The following PYGM variants were observed in gnomAD, a reference collection of about 807,000 sequenced individuals.
The protein encoded by PYGM is glycogen phosphorylase, muscle form.
Under a neutral mutation model 99.3 loss-of-function variants are expected in PYGM, and 81 were observed. That is an observed-to-expected ratio of 0.82 (90% confidence interval 0.68 to 0.98). The LOEUF (loss-of-function observed/expected upper bound fraction) is 0.98, where lower values mean the gene tolerates loss of function less well. PYGM is among the 50% of genes least tolerant of loss of function. The pLI, the probability that PYGM is intolerant of heterozygous loss-of-function variation, is 0.00. For synonymous variants in PYGM, 436 were observed against 451.5 expected (o/e 0.97, Z 0.44); for missense variants, 1,030 against 1,158.1 (o/e 0.89, Z 1.61).
rs2058391715 is a variant in PYGM, at chr11:64,755,904, G to T, written c.661-346C>A. ...GCTGGCCAGCCTGGCCTGAGCAAAA[G>T]CTAGAGGACACTGTGGACTCATGAG... On this transcript the variant is annotated intron_variant, in intron 5 of 19. Coordinates refer to ENST00000164139, the MANE Select transcript of PYGM (RefSeq NM_005609.4). The surrounding 1 kb of genome is among the most constrained non-coding windows in gnomAD (Gnocchi z 4.1). Among the ~76,000 whole-genome samples the T allele has an allele frequency of 6.6e-6, 1 of 152,214 alleles. No homozygotes were observed. The highest frequency in any genetic ancestry group is 1.5e-5 in the Non-Finnish European group (1 of 68,028).
upstream of PYGM, chr11:64,760,227 G>A (rs1398676233): frequency 5.9e-6 from 2 of 340,632 alleles, no homozygotes; most frequent in Non-Finnish European, 1.1e-5. Context: ...CCTTTTGGAG[G>A]GTTGGATACA....
At chr11:64,750,660 G>C in intron 16 of PYGM, 77 bp from the exon 17 acceptor site, 1 of 1,422,858 alleles carries the variant, frequency 7.0e-7, no homozygotes, top group Non-Finnish European at 9.7e-7. Flanking sequence ...GATTAGGCTG[G>C]CCCCAGGCAT....
intron 13 of PYGM, 116 bp downstream of exon 13, chr11:64,752,287 C>T: frequency 7.8e-6 from 11 of 1,403,260 alleles, no homozygotes; most frequent in South Asian, 2.4e-5. Context: ...GCAACTTCCA[C>T]CAACGGCCTG....
At position 64,746,626 on chromosome 11, in the gene PYGM, C is replaced by T; in HGVS notation, c.*33G>A. The T allele has an allele frequency of 2.5e-6, 4 of 1,613,736 alleles. No homozygotes were observed. Among genetic ancestry groups the T allele is most frequent in the African/African-American group, 1.3e-5 (1 of 75,052 alleles). On this transcript the variant is annotated 3_prime_UTR_variant, in exon 20 of 20. Transcript: ENST00000164139. Reference sequence around the variant, plus strand: ...GGCTGGCCCAAGAGAGTGTGACAGACTCAAGGGCTGGTTTGGGGTCTGGTC... The same window carrying T: ...GGCTGGCCCAAGAGAGTGTGACAGATTCAAGGGCTGGTTTGGGGTCTGGTC...
intron 1 of PYGM, 91 bp downstream of exon 1, chr11:64,759,564 AG>A: frequency 6.4e-7 from 1 of 1,574,084 alleles, no homozygotes; most frequent in East Asian, 2.2e-5. Flanking sequence ...CCAAGAACCT[AG>A]AGTGACGAGG....
rs753181427 is a variant in PYGM, at chr11:64,751,324, C to A, written c.1969+1G>T. ...CTAGGGTCCCTGTTGGCAGCACCCA[C>A]CTTTCTCGGCCAGTGAGACTCGGTA... is the stretch of plus-strand genomic sequence containing the variant. On this transcript the variant is annotated splice_donor_variant, in intron 16 of 19. Transcript: ENST00000164139. LOFTEE classifies it high-confidence loss of function. The A allele has an allele frequency of 6.2e-7, 1 of 1,614,192 alleles. No individual in the cohort carries two copies. Among genetic ancestry groups the A allele is most frequent in the East Asian group, 2.2e-5 (1 of 44,894 alleles).
intron 17 of PYGM, 133 bp from the exon 18 acceptor site, chr11:64,747,491 G>T: frequency 8.5e-7 from 1 of 1,172,854 alleles, no homozygotes; most frequent in Non-Finnish European, 1.2e-6. Flanking sequence ...CTGCCACATC[G>T]CCCCTGCAGG....
chr11:64,754,803 C>T lies in PYGM; in HGVS notation c.889G>A (p.Glu297Lys), dbSNP rs1358384674. 1 of 1,614,000 alleles carries T rather than the reference C, an allele frequency of 6.2e-7. No individual in the cohort carries two copies. Among genetic ancestry groups the T allele is most frequent in the Non-Finnish European group, 8.5e-7 (1 of 1,180,010 alleles). ...FEGKELRLKQ[E>K]YFVVAATLQD... ...AGGGTGGCAGCCACCACGAAATACT[C>T]CTGCTTCAGCCGCAGCTCCTTCCCT... Residue 297 changes from glutamate (E) to lysine (K), a missense_variant, in exon 8 of 20, where the codon GAG becomes AAG. Glu to Lys is a moderately conservative substitution (Grantham distance 56, BLOSUM62 1). Transcript: ENST00000164139. The surrounding 1 kb of genome is among the most constrained non-coding windows in gnomAD (Gnocchi z 5.5).
intron 18 of PYGM, 60 bp from the exon 19 acceptor site, chr11:64,747,047 G>A (rs1332056956): frequency 2.5e-6 from 4 of 1,594,252 alleles, no homozygotes; most frequent in East Asian, 2.2e-5. Context: ...AGTTCTATGA[G>A]GTCAAGGGCC....
Position 64,754,827 on chromosome 11 carries a change from C to T in PYGM, c.865G>A (p.Gly289Arg). Reference protein sequence around the residue: ...VLYPNDNFFEGKELRLKQEYF... With the variant: ...VLYPNDNFFERKELRLKQEYF... Reference sequence around the variant, plus strand: ...TCCTGCTTCAGCCGCAGCTCCTTCCCTTCGAAGAACTGGGGACAGCATGAG... The same window carrying T: ...TCCTGCTTCAGCCGCAGCTCCTTCCTTTCGAAGAACTGGGGACAGCATGAG... The change falls in exon 8 of 20, where the codon GGG becomes AGG. Residue 289 changes from glycine to arginine, a missense_variant. By Grantham distance (125) the Gly-to-Arg change is moderately radical. Coordinates refer to ENST00000164139, the MANE Select transcript of PYGM (RefSeq NM_005609.4). This position sits in a 1 kb window ranked among gnomAD's most constrained non-coding sequence, Gnocchi z 5.5. 1 of 1,613,878 alleles carries T rather than the reference C, an allele frequency of 6.2e-7. No homozygotes were observed. The highest frequency in any genetic ancestry group is 2.2e-5 in the East Asian group (1 of 44,884).
Position 64,754,292 on chromosome 11 carries a change from C to T in PYGM, c.1053G>A (p.Met351Ile). The change falls in exon 9 of 20, where the codon ATG becomes ATA. Residue 351 changes from methionine to isoleucine, a missense_variant. Physicochemically the swap from Met to Ile is conservative, Grantham distance 10. Transcript: ENST00000164139. This position sits in a 1 kb window ranked among gnomAD's most constrained non-coding sequence, Gnocchi z 5.5. ...THPSLAIPEL[M>I]RILVDLERMD... Reference sequence around the variant, plus strand: ...TCCGTTCCAGGTCCACCAGGATCCTCATCAGCTCGGGGATGGCCAGGGAGG... The same window carrying T: ...TCCGTTCCAGGTCCACCAGGATCCTTATCAGCTCGGGGATGGCCAGGGAGG... 6.2e-7 allele frequency: 1 copy of T among 1,613,892 alleles called. No homozygotes were observed.
At position 64,754,664 on chromosome 11, in the gene PYGM, C is replaced by T. The variant is rs2058382106; in HGVS notation, c.999+29G>A. ...AGAGGCCTAGCACACACTGTCCGGT[C>T]ACAGAGTCGCCCTCCACACGCATGG... is the stretch of plus-strand genomic sequence containing the variant. On this transcript the variant is annotated intron_variant, in intron 8 of 19. Coordinates refer to ENST00000164139, the MANE Select transcript of PYGM (RefSeq NM_005609.4). The surrounding 1 kb of genome is among the most constrained non-coding windows in gnomAD (Gnocchi z 5.5). The T allele has an allele frequency of 6.2e-7, 1 of 1,611,412 alleles. No individual in the cohort carries two copies. Among genetic ancestry groups the T allele is most frequent in the South Asian group, 1.1e-5 (1 of 90,766 alleles).
chr11:64,759,527 T>C (rs1299246437), intron 1 of PYGM, 129 bp downstream of exon 1: 2 of 1,451,360 alleles, frequency 1.4e-6, no homozygotes, highest in East Asian at 4.6e-5. Flanking sequence ...GCACCCCTTG[T>C]GCCTGGCACC....
At position 64,753,125 on chromosome 11, in the gene PYGM, G is replaced by C. The variant is rs398124209; in HGVS notation, c.1466C>G (p.Pro489Arg). Reference sequence around the variant, plus strand: ...GTTACACAGAACCAGCCAGCGCCGAGGGGTGATGCCGTTGGTCTTATTCTG... The same window carrying C: ...GTTACACAGAACCAGCCAGCGCCGACGGGTGATGCCGTTGGTCTTATTCTG... ...KFQNKTNGIT[P>R]RRWLVLCNPG... The change falls in exon 12 of 20, where the codon CCT (proline) becomes CGT (arginine). Residue 489 changes from proline to arginine, a missense_variant. Physicochemically the swap from Pro to Arg is moderately radical, Grantham distance 103 (BLOSUM62 -2). Coordinates refer to ENST00000164139, the MANE Select transcript of PYGM (RefSeq NM_005609.4). The C allele has an allele frequency of 7.5e-5, 121 of 1,614,016 alleles. No homozygotes were observed. The highest frequency in any genetic ancestry group is 9.5e-5 in the Non-Finnish European group (112 of 1,179,992).
In PYGM at chr11:64,753,096, C is replaced by T. The variant is rs867567820; in HGVS notation, c.1495G>A (p.Gly499Arg). The T allele has an allele frequency of 3.1e-6, 5 of 1,613,582 alleles. No homozygotes were observed. Among genetic ancestry groups the T allele is most frequent in the African/African-American group, 1.3e-5 (1 of 74,922 alleles). Residue 499 changes from glycine (G) to arginine (R), a missense_variant, in exon 12 of 20, where the codon GGG becomes AGG. Physicochemically the swap from Gly to Arg is moderately radical, Grantham distance 125. Coordinates refer to ENST00000164139, the MANE Select transcript of PYGM (RefSeq NM_005609.4). ...ACCTCAGCAATGACCTCTGCCAGCCCGGGGTTACACAGAACCAGCCAGCGC... is the reference window on the plus strand; with the variant it reads ...ACCTCAGCAATGACCTCTGCCAGCCTGGGGTTACACAGAACCAGCCAGCGC... Reference protein sequence around the residue: ...PRRWLVLCNPGLAEVIAERIG... With the variant: ...PRRWLVLCNPRLAEVIAERIG...
rs2058345329 is a variant in PYGM at position 64,750,301 on chromosome 11, T to G, written c.2177+75A>C. On this transcript the variant is annotated intron_variant, in intron 17 of 19. Transcript: ENST00000164139. The stretch of plus-strand genomic sequence containing the variant: ...GGGCCTGGACCAGTCTTTCCAGACG[T>G]GCCGCTTGCTCCCAGCACCACTCTC... 4 of 1,538,304 alleles carry G rather than the reference T, an allele frequency of 2.6e-6. No individual in the cohort carries two copies. The South Asian group carries it at 4.5e-5, about 17-fold the overall frequency.
intron 12 of PYGM, 36 bp from the exon 13 acceptor site, chr11:64,752,540 A>G (rs896531001): frequency 6.3e-7 from 1 of 1,576,014 alleles, no homozygotes; most frequent in Non-Finnish European, 8.7e-7. Flanking sequence ...GCCCATCCCC[A>G]TGTCCTCCCT....
intron 18 of PYGM, 38 bp downstream of exon 18, chr11:64,747,186 C>G (rs1185599629): frequency 5.6e-6 from 9 of 1,610,740 alleles, no homozygotes; most frequent in Non-Finnish European, 7.6e-6. Flanking sequence ...ATCTGCCCTG[C>G]GGCCCCACCT....
In PYGM at chr11:64,751,425, G is replaced by A. The variant is rs144764922; in HGVS notation, c.1869C>T (p.Leu623=). 6.2e-6 allele frequency: 10 copies of A among 1,614,156 alleles called. No individual in the cohort carries two copies. The African/African-American group carries it at 9.3e-5, about 15-fold the overall frequency. ...GYHMAKMIIR[L]VTAIGDVVNH... ...TGACCACATCCCCGATGGCTGTGAC[G>A]AGTCTGATGATCATCTTGGCCATGT... Residue 623 remains leucine, a synonymous_variant, in exon 16 of 20, where the codon CTC becomes CTT. Coordinates refer to ENST00000164139, the MANE Select transcript of PYGM (RefSeq NM_005609.4).
Sources: allele counts gnomAD v4.1 joint callset (sites outside exome capture counted in the v4.1 genomes callset), GRCh38; gene constraint gnomAD v4.1.1; non-coding constraint Gnocchi (gnomAD v3.1); transcripts MANE v1.5; gene names NCBI Gene and HGNC (gene_info 2026-07-23, HGNC 2026-07-21).